KCNH1: variants seen among roughly 807,000 people sequenced by gnomAD.
KCNH1 encodes potassium voltage-gated channel subfamily H member 1.
A neutral mutation model predicts 69.2 loss-of-function variants in KCNH1; 27 were observed. That is an observed-to-expected ratio of 0.39 (90% CI 0.29 to 0.54). The LOEUF is 0.54. Ranked by LOEUF, KCNH1 falls within the 20% of genes least tolerant of loss-of-function variation. The pLI is 0.68. For missense variants in KCNH1, 798 were observed against 1,261.6 expected, an observed-to-expected ratio of 0.63 and a Z score of 5.57; for synonymous variants, 456 against 487.7, an observed-to-expected ratio of 0.93 and a Z score of 0.86.
At chr1:210,690,002 G>A (rs559639314) in intron 10 of KCNH1, among the ~76,000 whole-genome samples, 29 of 152,242 alleles carry the variant, frequency 1.9e-4, no homozygotes, top group Admixed American at 1.3e-3. Context: ...CATGAGCATG[G>A]CCACACACAC....
In KCNH1 at chr1:211,043,492, CCAGA is replaced by C. The variant is rs1690039325; in HGVS notation, c.559-24240_559-24237del. On this transcript the variant is annotated intron_variant, in intron 5 of 10. Transcript: ENST00000271751. The stretch of plus-strand genomic sequence containing the variant: ...ATTACCAACAAAAAAAAATTCAGGA[CCAGA>C]CAAATTCACAGCTGAATTCTACCAG... Among the ~76,000 whole-genome samples, 2 of 152,004 alleles carry C rather than the reference CCAGA, an allele frequency of 1.3e-5. 1 individual carries two copies. Among genetic ancestry groups the C allele is most frequent in the South Asian group, 4.1e-4 (2 of 4,828 alleles).
chr1:210,879,009 G>C (rs1346368113), intron 7 of KCNH1, among the ~76,000 whole-genome samples: 1 of 151,978 alleles, frequency 6.6e-6, no homozygotes, highest in Non-Finnish European at 1.5e-5. Context: ...ACAACTCTGT[G>C]CTCATAAATT....
chr1:210,871,016 T>C (rs1301444010), intron 7 of KCNH1, among the ~76,000 whole-genome samples: 1 of 152,084 alleles, frequency 6.6e-6, no homozygotes, highest in Admixed American at 6.6e-5. Context: ...TCTGCATATC[T>C]CATGGAGTGG....
chr1:210,986,318 C>T (rs1375542287), intron 6 of KCNH1, among the ~76,000 whole-genome samples: 1 of 152,158 alleles, frequency 6.6e-6, no homozygotes, highest in Non-Finnish European at 1.5e-5. Flanking sequence ...GAATTTGATC[C>T]TGTCATTATG....
Position 210,820,750 on chromosome 1 carries a change from G to A in KCNH1, c.1463-16584C>T, listed in dbSNP as rs533158517. Among the ~76,000 whole-genome samples, 28 of 152,248 alleles carry A rather than the reference G, an allele frequency of 1.8e-4. 1 individual carries two copies. In the South Asian group the frequency reaches 5.4e-3, roughly 29 times the overall value. On this transcript the variant is annotated intron_variant, in intron 7 of 10. Coordinates refer to ENST00000271751, the MANE Select transcript of KCNH1 (RefSeq NM_172362.3). The stretch of plus-strand genomic sequence containing the variant: ...GTAATCACAAAGATCTTTACAATGG[G>A]GAGGGGAAAAAGGTCAAAGGCAGAA...
intron 6 of KCNH1, among the ~76,000 whole-genome samples, chr1:210,925,686 G>C (rs116840481): frequency 2.6e-4 from 39 of 152,186 alleles, no homozygotes; most frequent in African/African-American, 8.2e-4. Context: ...CACTGGACTG[G>C]GAACCACACT....
intron 7 of KCNH1, among the ~76,000 whole-genome samples, chr1:210,851,943 T>C (rs1164793835): frequency 6.6e-6 from 1 of 152,250 alleles, no homozygotes; most frequent in African/African-American, 2.4e-5. Flanking sequence ...TCATGCTAAA[T>C]GCTAAGGATA....
chr1:210,731,305 C>A (rs1191342379), intron 10 of KCNH1, among the ~76,000 whole-genome samples: 2 of 152,162 alleles, frequency 1.3e-5, no homozygotes, highest in Admixed American at 1.3e-4. Flanking sequence ...CTTAACTTCA[C>A]AGAGAAGTTA....
At chr1:211,007,280 C>T (rs1262437108) in intron 6 of KCNH1, among the ~76,000 whole-genome samples, 1 of 152,170 alleles carries the variant, frequency 6.6e-6, no homozygotes, top group Non-Finnish European at 1.5e-5. Flanking sequence ...GTCTGCATGG[C>T]TCTGACACAG....
At chr1:210,732,136 C>T (rs1682762826) in intron 10 of KCNH1, among the ~76,000 whole-genome samples, 1 of 151,782 alleles carries the variant, frequency 6.6e-6, no homozygotes, top group Admixed American at 6.6e-5. Context: ...ACCATCAGGT[C>T]ACAGCACTGA....
At chr1:210,813,802 T>A (rs545890541) in intron 7 of KCNH1, among the ~76,000 whole-genome samples, 45 of 152,322 alleles carry the variant, frequency 3.0e-4, no homozygotes, top group African/African-American at 9.1e-4. Context: ...AATTCCCATG[T>A]GTTGTGGGAC....
chr1:210,823,346 G>GT (rs760115085), intron 7 of KCNH1, among the ~76,000 whole-genome samples: 2 of 152,158 alleles, frequency 1.3e-5, no homozygotes, highest in African/African-American at 2.4e-5. Flanking sequence ...AAAGTAAGTG[G>GT]TACACTGTAA....
intron 2 of KCNH1, among the ~76,000 whole-genome samples, chr1:211,106,582 G>A (rs1376518128): frequency 4.0e-5 from 6 of 149,468 alleles, no homozygotes; most frequent in Admixed American, 2.0e-4. Context: ...TCAGGAGTTC[G>A]AGACCAGCCT....
chr1:211,047,422 C>G, intron 5 of KCNH1, among the ~76,000 whole-genome samples: 1 of 152,116 alleles, frequency 6.6e-6, no homozygotes, highest in East Asian at 1.9e-4. Context: ...CAGGCCATAT[C>G]AGAAAATGAA....
chr1:210,850,945 T>C (rs1685685612), intron 7 of KCNH1, among the ~76,000 whole-genome samples: 1 of 152,150 alleles, frequency 6.6e-6, no homozygotes, highest in African/African-American at 2.4e-5. Flanking sequence ...CACAAAAAGG[T>C]CATTTCAGGC....
chr1:211,044,948 C>T (rs1468635191), intron 5 of KCNH1, among the ~76,000 whole-genome samples: 1 of 149,816 alleles, frequency 6.7e-6, no homozygotes, highest in Non-Finnish European at 1.5e-5. Flanking sequence ...AGGATGCTTG[C>T]ACACACACAT....
At chr1:210,994,066 T>C (rs1408119609) in intron 6 of KCNH1, among the ~76,000 whole-genome samples, 1 of 152,146 alleles carries the variant, frequency 6.6e-6, no homozygotes, top group Non-Finnish European at 1.5e-5. Context: ...AATAAAAAAA[T>C]TAAAGCATAA....
At chr1:210,968,437 C>T (rs376453463) in intron 6 of KCNH1, among the ~76,000 whole-genome samples, 3 of 138,318 alleles carry the variant, frequency 2.2e-5, no homozygotes, top group East Asian at 2.1e-4. Flanking sequence ...CCTGAGGAAT[C>T]GCCACACTGA....
intron 7 of KCNH1, among the ~76,000 whole-genome samples, chr1:210,834,008 T>C (rs1403161431): frequency 6.6e-6 from 1 of 152,176 alleles, no homozygotes; most frequent in East Asian, 1.9e-4. Flanking sequence ...CCAGTTAGAA[T>C]GGCAATCATT....
Sources: allele counts gnomAD v4.1 joint callset (sites outside exome capture counted in the v4.1 genomes callset), GRCh38; gene constraint gnomAD v4.1.1; transcripts MANE v1.5; gene names NCBI Gene and HGNC (gene_info 2026-07-23, HGNC 2026-07-21).